The following GATAD2A variants were observed in gnomAD, a reference collection of about 807,000 sequenced individuals.
The protein encoded by GATAD2A is GATA zinc finger domain containing 2A, also known as transcriptional repressor p66-alpha.
Under a neutral mutation model 68.5 loss-of-function variants are expected in GATAD2A, and 12 were observed. That is an observed-to-expected ratio of 0.18 (90% CI 0.11 to 0.28). GATAD2A has a LOEUF of 0.28. GATAD2A is among the 10% of genes least tolerant of loss of function. The pLI, the probability that GATAD2A is intolerant of heterozygous loss-of-function variation, is 1.00. For synonymous variants in GATAD2A, 410 were observed against 375.3 expected (o/e 1.09, Z -1.07); for missense variants, 755 against 868.5 (o/e 0.87, Z 1.64).
At chr19:19,407,366 C>T (rs1228984538) in intron 1 of GATAD2A, among the ~76,000 whole-genome samples, 3 of 152,242 alleles carry the variant, frequency 2.0e-5, no homozygotes, top group Non-Finnish European at 4.4e-5. Context: ...TGAGTGCCTA[C>T]TGTGTGCTAA....
chr19:19,440,965 CCCTTTCCTT>C (rs1389933926), intron 1 of GATAD2A, among the ~76,000 whole-genome samples: 57 of 79,034 alleles, frequency 7.2e-4, no homozygotes, highest in East Asian at 3.3e-3. Flanking sequence ...TTTCTTCCTT[CCCTTTCCTT>C]CCTTTCCTTC....
chr19:19,482,556 G>A (rs1377565359), intron 2 of GATAD2A, among the ~76,000 whole-genome samples: 1 of 152,174 alleles, frequency 6.6e-6, no homozygotes, highest in Non-Finnish European at 1.5e-5. Context: ...AGCCCAGGTT[G>A]TCTGCAGGTC....
At chr19:19,453,060 C>T (rs138503739) in intron 1 of GATAD2A, among the ~76,000 whole-genome samples, 61 of 152,342 alleles carry the variant, frequency 4.0e-4, no homozygotes, top group Admixed American at 9.1e-4. Flanking sequence ...GCCCCCATTC[C>T]TCCAGCAATC....
At chr19:19,410,377 A>T (rs963694154) in intron 1 of GATAD2A, among the ~76,000 whole-genome samples, 1 of 152,082 alleles carries the variant, frequency 6.6e-6, no homozygotes, top group Non-Finnish European at 1.5e-5. Context: ...TCAAGGCTTC[A>T]GGGCTTTCCT....
chr19:19,459,945 G>A (rs558560376), intron 1 of GATAD2A, among the ~76,000 whole-genome samples: 109 of 152,370 alleles, frequency 7.2e-4, no homozygotes, highest in Non-Finnish European at 1.2e-3. Context: ...TTCCGGTGTG[G>A]CTTCCTTCCG....
intron 2 of GATAD2A, among the ~76,000 whole-genome samples, chr19:19,466,895 G>C (rs932648510): frequency 3.3e-5 from 5 of 152,182 alleles, no homozygotes; most frequent in African/African-American, 9.7e-5. Context: ...GCAGGGGTGA[G>C]CAGTGAGGGG....
upstream of GATAD2A, among the ~76,000 whole-genome samples, chr19:19,401,306 C>T (rs1182985066): frequency 1.3e-5 from 2 of 150,660 alleles, no homozygotes; most frequent in East Asian, 2.0e-4. Flanking sequence ...CTCCGCCTCC[C>T]GGGTTCACGC....
rs144681641 is a variant in GATAD2A, at chr19:19,413,969, C to T, written c.-7+7950C>T. The stretch of plus-strand genomic sequence containing the variant: ...GGGCCATCTGTCTCCTGCCTCCCTT[C>T]CCCAAACTTTTGGTCAAGTTTTTAG... On this transcript the variant is annotated intron_variant, in intron 1 of 11. Transcript: ENST00000683918. 6.6e-5 allele frequency among the ~76,000 whole-genome samples: 10 copies of T among 152,256 alleles called. No individual in the cohort carries two copies. In the East Asian group the frequency reaches 1.9e-3, roughly 29 times the overall value.
chr19:19,442,771 GA>G (rs11366479), intron 1 of GATAD2A, among the ~76,000 whole-genome samples: 8,824 of 104,272 alleles, frequency 0.085, 248 homozygotes, highest in Middle Eastern at 0.14. Flanking sequence ...CCCCCAAGCT[GA>G]AAAAAAAAAA....
chr19:19,469,639 C>G (rs966016730), intron 2 of GATAD2A, among the ~76,000 whole-genome samples: 1 of 151,984 alleles, frequency 6.6e-6, no homozygotes, highest in Non-Finnish European at 1.5e-5. Context: ...CAAGGACTAT[C>G]AGATAGTGTA....
At chr19:19,429,447 A>G (rs1419703640) in intron 1 of GATAD2A, among the ~76,000 whole-genome samples, 1 of 152,082 alleles carries the variant, frequency 6.6e-6, no homozygotes, top group Non-Finnish European at 1.5e-5. Context: ...GCTCCTTCAC[A>G]TGCACGTAGC....
At chr19:19,399,615 G>A (rs993741892) in intron 1 of GATAD2A, among the ~76,000 whole-genome samples, 1 of 152,148 alleles carries the variant, frequency 6.6e-6, no homozygotes, top group Non-Finnish European at 1.5e-5. Flanking sequence ...CCCAAAACAG[G>A]AGTTAGTTAG....
chr19:19,502,061 C>A lies in GATAD2A; in HGVS notation c.1578+18C>A. On this transcript the variant is annotated intron_variant, in intron 10 of 11. Coordinates refer to ENST00000683918, the MANE Select transcript of GATAD2A (RefSeq NM_001384528.1). The stretch of plus-strand genomic sequence containing the variant: ...TGCTACAGGTCAGAACCGCACTGGG[C>A]GCCGGGAGCCTCGCGCCCCCACCGC... 1.3e-6 allele frequency: 2 copies of A among 1,596,822 alleles called. No homozygotes were observed. The highest frequency in any genetic ancestry group is 1.7e-6 in the Non-Finnish European group (2 of 1,165,714).
intron 2 of GATAD2A, among the ~76,000 whole-genome samples, chr19:19,471,435 G>A (rs1384535303): frequency 6.8e-6 from 1 of 147,910 alleles, no homozygotes; most frequent in East Asian, 2.1e-4. Flanking sequence ...TTGTTGTATA[G>A]TTTCACTTAC....
At chr19:19,399,563 G>A (rs1043949481) in intron 1 of GATAD2A, among the ~76,000 whole-genome samples, 3 of 152,076 alleles carry the variant, frequency 2.0e-5, no homozygotes, top group African/African-American at 7.2e-5. Flanking sequence ...TCTATTGAAG[G>A]TTACCTTTTT....
intron 1 of GATAD2A, among the ~76,000 whole-genome samples, chr19:19,410,870 C>G (rs1174703560): frequency 6.6e-6 from 1 of 152,206 alleles, no homozygotes; most frequent in Non-Finnish European, 1.5e-5. Flanking sequence ...CAAGGGGGTA[C>G]TTACTATCTC....
At chr19:19,433,784 C>G (rs1050946224) in intron 1 of GATAD2A, among the ~76,000 whole-genome samples, 2 of 152,192 alleles carry the variant, frequency 1.3e-5, no homozygotes, top group Admixed American at 6.6e-5. Flanking sequence ...CCATACCCCC[C>G]CTTTTTTTGA....
intron 2 of GATAD2A, among the ~76,000 whole-genome samples, chr19:19,489,802 ACT>A (rs1261232359): frequency 6.6e-6 from 1 of 152,170 alleles, no homozygotes; most frequent in Non-Finnish European, 1.5e-5. Context: ...TGTGTCTGTA[ACT>A]CTATACAAGA....
At chr19:19,436,667 G>T (rs1051305183) in intron 1 of GATAD2A, among the ~76,000 whole-genome samples, 6 of 152,234 alleles carry the variant, frequency 3.9e-5, no homozygotes, top group African/African-American at 1.4e-4. Flanking sequence ...GCAAAGCTAA[G>T]CTGCCCCCGC....
Sources: gnomAD v4.1 joint callset for allele counts (sites outside exome capture counted in the v4.1 genomes callset) on GRCh38, gnomAD v4.1.1 for gene constraint, MANE v1.5 for transcripts, NCBI Gene and HGNC (gene_info 2026-07-23, HGNC 2026-07-21) for gene names.